Variants in ZFYVE26 observed in about 807,000 individuals in gnomAD.
ZFYVE26 encodes zinc finger FYVE-type containing 26.
In ZFYVE26, 181 loss-of-function variants were observed where a neutral mutation model predicts 276.5. The observed-to-expected ratio is 0.65, with a 90% CI of 0.58 to 0.74. The LOEUF is 0.74. Among genes scored for constraint, ZFYVE26 ranks in the 30% least tolerant of loss-of-function variants. ZFYVE26 has a pLI of 0.00. For missense variants in ZFYVE26, 2,821 were observed against 3,097.9 expected (o/e 0.91, Z 2.12); for synonymous variants, 1,129 against 1,203.1 (o/e 0.94, Z 1.27).
intron 3 of ZFYVE26, among the ~76,000 whole-genome samples, chr14:67,812,807 C>A (rs2040329866): frequency 6.6e-6 from 1 of 152,154 alleles, no homozygotes; most frequent in Admixed American, 6.5e-5. Context: ...AGAGAGATCC[C>A]TTAATCAGTA....
At chr14:67,763,505 A>G (rs1279945483) in intron 32 of ZFYVE26, among the ~76,000 whole-genome samples, 2 of 152,250 alleles carry the variant, frequency 1.3e-5, no homozygotes, top group Admixed American at 6.5e-5. Flanking sequence ...AATTGCCTAC[A>G]GTATTCAGTA....
rs766869217 is a variant in ZFYVE26 at position 67,807,892 on chromosome 14, G to A, written c.392C>T (p.Ala131Val). 1 of 1,614,126 alleles carries A rather than the reference G, an allele frequency of 6.2e-7. No homozygotes were observed. The highest frequency in any genetic ancestry group is 8.5e-7 in the Non-Finnish European group (1 of 1,179,990). ...EELYETLTQG[A>V]VGHVPDGNPR... ...ATTTCCGTCAGGCACGTGGCCTACT[G>A]CACCCTGTGTTAAGGTCTCATACAG... The change falls in exon 5 of 42, where the codon GCA (alanine) becomes GTA (valine). Residue 131 changes from alanine to valine, a missense_variant. Coordinates refer to ENST00000347230, the MANE Select transcript of ZFYVE26 (RefSeq NM_015346.4).
At chr14:67,790,261 C>T (rs1186270322) in intron 15 of ZFYVE26, among the ~76,000 whole-genome samples, 1 of 152,184 alleles carries the variant, frequency 6.6e-6, no homozygotes, top group Non-Finnish European at 1.5e-5. Context: ...AAATAAACTC[C>T]TAACCATTTC....
Position 67,807,593 on chromosome 14 carries a change from G to A in ZFYVE26, c.691C>T (p.Pro231Ser), listed in dbSNP as rs2040209864. 1.2e-6 allele frequency: 2 copies of A among 1,614,226 alleles called. No homozygotes were observed. Among genetic ancestry groups the A allele is most frequent in the African/African-American group, 2.7e-5 (2 of 75,068 alleles). ...ALRTLRCPAEPLGVELHLLCE... is the reference protein window; with the variant it reads ...ALRTLRCPAESLGVELHLLCE... ...AGGAGATGCAACTCAACCCCAAGTG[G>A]TTCTGCGGGGCAACGCAGAGTCCGC... Residue 231 changes from proline to serine, a missense_variant, in exon 5 of 42, where the codon CCA becomes TCA. By Grantham distance (74) the Pro-to-Ser change is moderately conservative (BLOSUM62 -1). Transcript: ENST00000347230.
Position 67,816,017 on chromosome 14 carries a change from TTCTCAATG to T in ZFYVE26, c.-62_-55del. 1 of 1,416,430 alleles carries T rather than the reference TTCTCAATG, an allele frequency of 7.1e-7. No homozygotes were observed. The highest frequency in any genetic ancestry group is 9.6e-7 in the Non-Finnish European group (1 of 1,039,494). The allele number at this position is 1,416,430 out of a possible 1,614,324, so 87.7% of individuals were successfully genotyped here. On this transcript the variant is annotated 5_prime_UTR_variant, in exon 2 of 42. The change abolishes the stop of an existing upstream ORF in the 5' untranslated region. Coordinates refer to ENST00000347230, the MANE Select transcript of ZFYVE26 (RefSeq NM_015346.4). Reference sequence around the variant, plus strand: ...AAAGAAATGAGTTATGCCGAACACATTCTCAATGTTCTCATTCGCGGAGTACCTCCTAG... The same window carrying T: ...AAAGAAATGAGTTATGCCGAACACATTTCTCATTCGCGGAGTACCTCCTAG...
chr14:67,742,799 T>C (rs1191128199), downstream of ZFYVE26, among the ~76,000 whole-genome samples: 7 of 144,190 alleles, frequency 4.9e-5, no homozygotes, highest in Admixed American at 4.7e-4. Flanking sequence ...CCTTCCTTCC[T>C]TCTTCCCTTC....
chr14:67,799,141 T>TA, intron 10 of ZFYVE26: 1 of 1,518,478 alleles, frequency 6.6e-7, no homozygotes, highest in East Asian at 2.3e-5. Context: ...GGCTACTCTT[T>TA]AAAAAGATAT....
chr14:67,752,116 T>A (rs2038661871), intron 40 of ZFYVE26, among the ~76,000 whole-genome samples: 1 of 152,134 alleles, frequency 6.6e-6, no homozygotes, highest in South Asian at 2.1e-4. Context: ...GCAAACAAAT[T>A]TACACAATGG....
intron 34 of ZFYVE26, chr14:67,761,800 G>C: frequency 1.7e-6 from 1 of 597,198 alleles, no homozygotes; most frequent in Non-Finnish European, 2.9e-6. Context: ...TAACAATGTG[G>C]AAAAATGTTC....
intron 34 of ZFYVE26, 57 bp from the exon 35 acceptor site, chr14:67,761,641 C>A: frequency 6.8e-7 from 1 of 1,472,746 alleles, no homozygotes; most frequent in Non-Finnish European, 9.4e-7. Flanking sequence ...TCAGCAGGCA[C>A]TGAAAATATT....
At chr14:67,811,263 T>G (rs1327329366) in intron 3 of ZFYVE26, among the ~76,000 whole-genome samples, 1 of 152,250 alleles carries the variant, frequency 6.6e-6, no homozygotes, top group African/African-American at 2.4e-5. Flanking sequence ...CTGCTGAAAC[T>G]ACTTTAAACA....
intron 35 of ZFYVE26, 121 bp from the exon 36 acceptor site, chr14:67,756,266 A>G: frequency 1.0e-6 from 1 of 996,246 alleles, no homozygotes; most frequent in Non-Finnish European, 1.6e-6. Context: ...AGTGCTTCTT[A>G]ATCTTTTATG....
At chr14:67,760,951 C>G in intron 35 of ZFYVE26, 1 of 461,892 alleles carries the variant, frequency 2.2e-6, no homozygotes, top group Non-Finnish European at 4.0e-6. Flanking sequence ...GTAGTAACAA[C>G]TCTGAATGGA....
chr14:67,772,685 A>G (rs1849014404), intron 27 of ZFYVE26, among the ~76,000 whole-genome samples: 1 of 152,256 alleles, frequency 6.6e-6, no homozygotes, highest in African/African-American at 2.4e-5. Flanking sequence ...CAGTAATCCC[A>G]GCACTTTGGG....
intron 13 of ZFYVE26, chr14:67,733,946 C>A: frequency 1.1e-6 from 1 of 870,558 alleles, no homozygotes; most frequent in Non-Finnish European, 1.9e-6. Context: ...TCTTGGCCAG[C>A]TGGTGCTGCG....
chr14:67,732,777 C>T (rs576759618), intron 13 of ZFYVE26, among the ~76,000 whole-genome samples: 22 of 152,194 alleles, frequency 1.4e-4, no homozygotes, highest in South Asian at 4.1e-4. Context: ...GGCAGGGTTT[C>T]GCCTTGTTGG....
chr14:67,795,406 C>T (rs1234579429), intron 12 of ZFYVE26, among the ~76,000 whole-genome samples: 1 of 152,230 alleles, frequency 6.6e-6, no homozygotes, highest in Non-Finnish European at 1.5e-5. Flanking sequence ...GAGTCAACTC[C>T]TTCATGAAAT....
rs1456673200 is a variant in ZFYVE26 at position 67,766,236 on chromosome 14, A to G, written c.6002T>C (p.Leu2001Pro). 4.3e-6 allele frequency: 7 copies of G among 1,614,090 alleles called. No individual in the cohort carries two copies. The highest frequency in any genetic ancestry group is 5.9e-6 in the Non-Finnish European group (7 of 1,180,040). Residue 2001 changes from leucine (L) to proline (P), a missense_variant, in exon 32 of 42, where the codon CTT becomes CCT. Leu to Pro is a moderately conservative substitution (Grantham distance 98). Coordinates refer to ENST00000347230, the MANE Select transcript of ZFYVE26 (RefSeq NM_015346.4). ...ACCCACTGCCCTCTACCTGTCACAAAGAGCCAAGTCTTGGCTCTGGCCGGC... is the reference window on the plus strand; with the variant it reads ...ACCCACTGCCCTCTACCTGTCACAAGGAGCCAAGTCTTGGCTCTGGCCGGC... ...VKAGQSQDLA[L>P]CDSYISKVDV...
Position 67,805,220 on chromosome 14 carries a change from C to T in ZFYVE26, c.1268G>A (p.Ser423Asn). The T allele has an allele frequency of 6.2e-7, 1 of 1,613,846 alleles. No individual in the cohort carries two copies. The highest frequency in any genetic ancestry group is 8.5e-7 in the Non-Finnish European group (1 of 1,179,932). ...LEVLEWCIQQ[S>N]SNPIPKRDLL... ...CGCTGACTGCACAGGGCCATACCTGCTCTGCTGTATGCACCACTCCAGGAC... is the reference window on the plus strand; with the variant it reads ...CGCTGACTGCACAGGGCCATACCTGTTCTGCTGTATGCACCACTCCAGGAC... The change falls in exon 8 of 42, where the codon AGC becomes AAC. Residue 423 changes from serine to asparagine, a missense_variant. Physicochemically the swap from Ser to Asn is conservative, Grantham distance 46. Transcript: ENST00000347230.
Sources: gnomAD v4.1 joint callset for allele counts (sites outside exome capture counted in the v4.1 genomes callset) on GRCh38, gnomAD v4.1.1 for gene constraint, MANE v1.5 for transcripts, NCBI Gene and HGNC (gene_info 2026-07-23, HGNC 2026-07-21) for gene names.